Variants in TALDO1 observed in about 807,000 individuals in gnomAD.
TALDO1 encodes the protein transaldolase.
A neutral mutation model predicts 38.1 loss-of-function variants in TALDO1; 29 were observed. The observed-to-expected ratio is 0.76, with a 90% confidence interval of 0.57 to 1.04. TALDO1 has a LOEUF of 1.04. Among genes scored for constraint, TALDO1 ranks in the 50% least tolerant of loss-of-function variants. The pLI, the probability that TALDO1 is intolerant of heterozygous loss-of-function variation, is 0.00. For synonymous variants in TALDO1, 207 were observed against 176.8 expected (o/e 1.17, Z -1.36); for missense variants, 499 against 438.1 (o/e 1.14, Z -1.24).
intron 4 of TALDO1, among the ~76,000 whole-genome samples, chr11:762,205 C>T (rs1239162598): frequency 1.3e-5 from 2 of 152,122 alleles, no homozygotes; most frequent in Non-Finnish European, 2.9e-5. Flanking sequence ...CTCAGGTGAT[C>T]CGCCCGCCTC....
At chr11:764,699 C>T in intron 7 of TALDO1, 114 bp from the exon 8 acceptor site, 3 of 1,547,868 alleles carry the variant, frequency 1.9e-6, no homozygotes, top group Non-Finnish European at 2.7e-6. Context: ...CCGTGGCCCC[C>T]ACACAGAGTG....
At chr11:755,614 C>A (rs1239881120) in intron 1 of TALDO1, 3 of 505,218 alleles carry the variant, frequency 5.9e-6, no homozygotes, top group African/African-American at 1.9e-5. Context: ...GCACCGCTCA[C>A]TCCCATGCTG....
At chr11:761,083 T>TAGC (rs1340866965) in intron 4 of TALDO1, 1 of 151,910 alleles carries the variant, frequency 6.6e-6, no homozygotes, top group African/African-American at 2.4e-5. Flanking sequence ...CCTGTAATCC[T>TAGC]AGCACTCTGG....
At chr11:763,294 ACCTG>A in intron 4 of TALDO1, 46 bp from the exon 5 acceptor site, 1 of 343,300 alleles carries the variant, frequency 2.9e-6, no homozygotes, top group South Asian at 1.9e-5. Context: ...CCCCGCCCTC[ACCTG>A]TCCCCGCCCT....
intron 2 of TALDO1, among the ~76,000 whole-genome samples, chr11:758,369 C>G (rs997883388): frequency 6.6e-6 from 1 of 151,866 alleles, no homozygotes; most frequent in Non-Finnish European, 1.5e-5. Context: ...ATCACTTGAG[C>G]CCGGGAGGTC....
At chr11:758,901 G>C in intron 2 of TALDO1, 49 bp from the exon 3 acceptor site, 1 of 1,541,038 alleles carries the variant, frequency 6.5e-7, no homozygotes, top group Non-Finnish European at 8.9e-7. Flanking sequence ...CACCGCACCT[G>C]GCGAACCTCA....
intron 2 of TALDO1, 23 bp from the exon 3 acceptor site, chr11:758,927 C>G (rs1564992419): frequency 6.3e-7 from 1 of 1,599,532 alleles, no homozygotes; most frequent in East Asian, 2.3e-5. Context: ...TTCTAACCTG[C>G]TTTTTTTCCC....
intron 2 of TALDO1, among the ~76,000 whole-genome samples, chr11:757,545 T>C (rs1289410056): frequency 2.0e-5 from 3 of 152,060 alleles, no homozygotes; most frequent in Non-Finnish European, 4.4e-5. Flanking sequence ...CTGCCCACCT[T>C]GGCCTGCCAG....
chr11:763,938 A>G lies in TALDO1; in HGVS notation c.829A>G (p.Lys277Glu). ...NAKLVPVLSA[K>E]AAQASDLEKI... ...CAAGCTGGTGCCTGTGCTCTCAGCC[A>G]AGGCGGGTGAGGCCCCACTGCCCAG... is the stretch of plus-strand genomic sequence containing the variant. Residue 277 changes from lysine to glutamate, a missense_variant, in exon 6 of 8, where the codon AAG becomes GAG. Lys to Glu is a moderately conservative substitution (Grantham distance 56, BLOSUM62 1). Transcript: ENST00000319006. 6.2e-7 allele frequency: 1 copy of G among 1,608,574 alleles called. No homozygotes were observed. The highest frequency in any genetic ancestry group is 1.1e-5 in the South Asian group (1 of 91,028).
intron 1 of TALDO1, among the ~76,000 whole-genome samples, chr11:748,000 C>G (rs1862689924): frequency 6.6e-6 from 1 of 152,258 alleles, no homozygotes; most frequent in African/African-American, 2.4e-5. Flanking sequence ...GCCCTCAGAC[C>G]CCGCACCCGG....
At position 760,177 on chromosome 11, in the gene TALDO1, T is replaced by C. The variant is rs1377456431; in HGVS notation, c.385T>C (p.Tyr129His). 8 of 1,614,254 alleles carry C rather than the reference T, an allele frequency of 5.0e-6. No individual in the cohort carries two copies. The highest frequency in any genetic ancestry group is 1.7e-5 in the Admixed American group (1 of 60,026). The change falls in exon 4 of 8, where the codon TAC (tyrosine) becomes CAC (histidine). Residue 129 changes from tyrosine (Y) to histidine (H), a missense_variant. By Grantham distance (83) the Tyr-to-His change is moderately conservative (BLOSUM62 2). Transcript: ENST00000319006. The part of the protein sequence containing the change: ...VARARRLIEL[Y>H]KEAGISKDRI... ...CAGAGCCAGGCGGCTCATCGAGCTCTACAAGGAAGCTGGGATCAGCAAGGA... is the reference window on the plus strand; with the variant it reads ...CAGAGCCAGGCGGCTCATCGAGCTCCACAAGGAAGCTGGGATCAGCAAGGA...
At chr11:757,201 G>C (rs1161028293) in intron 2 of TALDO1, among the ~76,000 whole-genome samples, 1 of 152,028 alleles carries the variant, frequency 6.6e-6, no homozygotes, top group Non-Finnish European at 1.5e-5. Context: ...GTGAGGCCTT[G>C]GTGCTCCTGT....
At chr11:757,485 G>C (rs1037057389) in intron 2 of TALDO1, among the ~76,000 whole-genome samples, 1 of 151,962 alleles carries the variant, frequency 6.6e-6, no homozygotes, top group Admixed American at 6.6e-5. Context: ...TTAGAGGCAG[G>C]GTTTCACCAT....
intron 7 of TALDO1, 160 bp downstream of exon 7, chr11:764,593 G>C (rs1863015734): frequency 6.6e-6 from 9 of 1,365,194 alleles, no homozygotes; most frequent in Non-Finnish European, 8.1e-6. Flanking sequence ...TCCCAGGGTG[G>C]AGGGTGCATG....
At chr11:749,023 G>A (rs1398415290) in intron 1 of TALDO1, among the ~76,000 whole-genome samples, 1 of 152,196 alleles carries the variant, frequency 6.6e-6, no homozygotes, top group Non-Finnish European at 1.5e-5. Context: ...TGGCAGTGCA[G>A]GGCCAATAAA....
At chr11:749,508 A>G (rs759663932) in intron 1 of TALDO1, among the ~76,000 whole-genome samples, 1 of 151,860 alleles carries the variant, frequency 6.6e-6, no homozygotes, top group Non-Finnish European at 1.5e-5. Context: ...TAAATGTTAT[A>G]TAGTTGTAAA....
chr11:760,163 G>C lies in TALDO1; in HGVS notation c.371G>C (p.Arg124Pro), dbSNP rs149702835. 1 of 1,614,016 alleles carries C rather than the reference G, an allele frequency of 6.2e-7. No homozygotes were observed. The highest frequency in any genetic ancestry group is 8.5e-7 in the Non-Finnish European group (1 of 1,180,032). ...GATGCGATGGTGGCCAGAGCCAGGC[G>C]GCTCATCGAGCTCTACAAGGAAGCT... ...DKDAMVARAR[R>P]LIELYKEAGI... Residue 124 changes from arginine (R) to proline (P), a missense_variant, in exon 4 of 8, where the codon CGG becomes CCG. Physicochemically the swap from Arg to Pro is moderately radical, Grantham distance 103 (BLOSUM62 -2). Transcript: ENST00000319006.
At chr11:760,370 G>T (rs530197961) in intron 4 of TALDO1, 117 bp downstream of exon 4, 3 of 1,499,862 alleles carry the variant, frequency 2.0e-6, no homozygotes, top group East Asian at 4.6e-5. Context: ...AGACTGGGGA[G>T]CACAGCCCAC....
rs551556159 is a variant in TALDO1 at position 751,712 on chromosome 11, T to C, written c.97+4134T>C. 5.9e-5 allele frequency among the ~76,000 whole-genome samples: 9 copies of C among 152,218 alleles called. No individual in the cohort carries two copies. The East Asian group carries it at 1.7e-3, about 30-fold the overall frequency. ...CGAGAGGCTGAGGCGAGATAATTGC[T>C]TGAACCTGGAAGACGGAGGTTGCAG... On this transcript the variant is annotated intron_variant, in intron 1 of 7. Transcript: ENST00000319006.
Sources: gnomAD v4.1 joint callset for allele counts (sites outside exome capture counted in the v4.1 genomes callset) on GRCh38, gnomAD v4.1.1 for gene constraint, MANE v1.5 for transcripts, NCBI Gene and HGNC (gene_info 2026-07-23, HGNC 2026-07-21) for gene names.